VRK1: variants seen among roughly 807,000 people sequenced by gnomAD.
The protein encoded by VRK1 is VRK serine/threonine kinase 1.
VRK1 carries 33 observed loss-of-function variants against 57.1 expected under a neutral mutation model. That is an observed-to-expected ratio of 0.58 (90% CI 0.44 to 0.77). The LOEUF (loss-of-function observed/expected upper bound fraction) is 0.77. Among genes scored for constraint, VRK1 ranks in the 30% least tolerant of loss-of-function variants. The pLI is 0.00. For synonymous variants in VRK1, 137 were observed against 147.8 expected, an observed-to-expected ratio of 0.93 and a Z score of 0.53; for missense variants, 413 against 477.3, an observed-to-expected ratio of 0.87 and a Z score of 1.25.
intron 2 of VRK1, among the ~76,000 whole-genome samples, chr14:96,836,803 A>C (rs1217496845): frequency 6.6e-6 from 1 of 152,094 alleles, no homozygotes; most frequent in African/African-American, 2.4e-5. Context: ...TGCTGGGATT[A>C]CAAGTGTGAG....
chr14:96,799,198 A>G (rs1187604070), intron 1 of VRK1, among the ~76,000 whole-genome samples: 2 of 152,242 alleles, frequency 1.3e-5, no homozygotes, highest in East Asian at 3.8e-4. Flanking sequence ...AGTGCCCAGG[A>G]AATGGTTATA....
Position 96,833,632 on chromosome 14 carries a change from G to GT in VRK1, c.160+2dup. ...GGAGGCTTTGGCTGTATATATCTTG[G>GT]TAAGTGTGTGACTGCTTCTAATGAT... On this transcript the variant is annotated splice_donor_variant, in intron 2 of 12. Transcript: ENST00000216639. LOFTEE classifies it high-confidence loss of function. 6.2e-7 allele frequency: 1 copy of GT among 1,613,532 alleles called. No individual in the cohort carries two copies. Among genetic ancestry groups the GT allele is most frequent in the Non-Finnish European group, 8.5e-7 (1 of 1,179,568 alleles).
In VRK1 at chr14:96,853,126, A is replaced by G. The variant is rs1566708080; in HGVS notation, c.536A>G (p.Lys179Arg). The G allele has an allele frequency of 1.2e-6, 2 of 1,613,852 alleles. No homozygotes were observed. Among genetic ancestry groups the G allele is most frequent in the East Asian group, 2.2e-5 (1 of 44,862 alleles). Residue 179 changes from lysine (K) to arginine (R), a missense_variant, in exon 7 of 13, where the codon AAG (lysine) becomes AGG (arginine). By Grantham distance (26) the Lys-to-Arg change is conservative. Around this residue, in one of 3 missense-constraint regions of VRK1, gnomAD observed 151 missense variants for 225.5 expected, o/e 0.67. Transcript: ENST00000216639. Reference sequence around the variant, plus strand: ...CATGAGTATGTGCATGGAGATATCAAGGCCTCAAATCTTCTTCTGAACTAC... The same window carrying G: ...CATGAGTATGTGCATGGAGATATCAGGGCCTCAAATCTTCTTCTGAACTAC... ...HEHEYVHGDI[K>R]ASNLLLNYKN... is the part of the protein sequence containing the mutation.
At chr14:96,858,003 T>C (rs1165762148) in intron 10 of VRK1, among the ~76,000 whole-genome samples, 1 of 152,236 alleles carries the variant, frequency 6.6e-6, no homozygotes, top group Non-Finnish European at 1.5e-5. Flanking sequence ...GTTAGTGTCC[T>C]TTTCTTTCAC....
intron 1 of VRK1, among the ~76,000 whole-genome samples, chr14:96,811,256 C>T (rs1362727370): frequency 1.3e-5 from 2 of 152,058 alleles, no homozygotes; most frequent in African/African-American, 4.8e-5. Context: ...ATACTGTGTC[C>T]CTTGCCAGGA....
intron 1 of VRK1, among the ~76,000 whole-genome samples, chr14:96,816,361 C>A (rs946995687): frequency 6.6e-6 from 1 of 152,132 alleles, no homozygotes; most frequent in Non-Finnish European, 1.5e-5. Context: ...GCTGCTTTAC[C>A]CATTACAGTT....
At chr14:96,819,930 G>A (rs1400995482) in intron 1 of VRK1, among the ~76,000 whole-genome samples, 1 of 152,128 alleles carries the variant, frequency 6.6e-6, no homozygotes, top group African/African-American at 2.4e-5. Context: ...CTGGCTCCAG[G>A]TGTTGCAGTT....
In VRK1 at chr14:96,867,071, T is replaced by C. The variant is rs1390669904; in HGVS notation, c.1068+6336T>C. 7.2e-5 allele frequency among the ~76,000 whole-genome samples: 11 copies of C among 152,358 alleles called. No individual in the cohort carries two copies. The East Asian group carries it at 2.1e-3, about 29-fold the overall frequency. ...TCATACTGCAGTCATCTGGAATTTT[T>C]AGTTCTAGTTTTTTGTGTCATTTGT... On this transcript the variant is annotated intron_variant, in intron 11 of 12. Transcript: ENST00000216639.
chr14:96,828,993 G>T (rs978583345), intron 1 of VRK1, among the ~76,000 whole-genome samples: 4 of 152,246 alleles, frequency 2.6e-5, no homozygotes, highest in Non-Finnish European at 5.9e-5. Flanking sequence ...AAATATTTCT[G>T]TCATAGTGGC....
intron 2 of VRK1, among the ~76,000 whole-genome samples, chr14:96,836,467 C>G (rs1265172761): frequency 6.6e-6 from 1 of 150,704 alleles, no homozygotes; most frequent in Non-Finnish European, 1.5e-5. Flanking sequence ...CCCCCAGCTA[C>G]TTTTGCCTCC....
intron 3 of VRK1, among the ~76,000 whole-genome samples, chr14:96,843,332 G>A (rs1316526629): frequency 6.6e-6 from 1 of 152,190 alleles, no homozygotes; most frequent in African/African-American, 2.4e-5. Context: ...CTTTTGGATG[G>A]TATCCTAACA....
intron 11 of VRK1, among the ~76,000 whole-genome samples, chr14:96,868,460 C>A (rs1888669453): frequency 6.6e-6 from 1 of 152,182 alleles, no homozygotes; most frequent in African/African-American, 2.4e-5. Flanking sequence ...TGAATAGCTT[C>A]TGTGCAGAAA....
intron 1 of VRK1, among the ~76,000 whole-genome samples, chr14:96,831,425 A>G (rs1886999220): frequency 6.6e-6 from 1 of 152,184 alleles, no homozygotes; most frequent in African/African-American, 2.4e-5. Flanking sequence ...TTAGAAGCAT[A>G]TTGAAGATAC....
chr14:96,847,954 A>T (rs1043756835), intron 5 of VRK1, among the ~76,000 whole-genome samples: 1 of 152,218 alleles, frequency 6.6e-6, no homozygotes, highest in East Asian at 1.9e-4. Context: ...AACTTCTAAT[A>T]CTTTGGTTCA....
intron 12 of VRK1, 113 bp from the exon 13 acceptor site, chr14:96,881,064 G>T (rs1465050452): frequency 9.6e-6 from 9 of 935,774 alleles, no homozygotes; most frequent in Non-Finnish European, 9.7e-6. Flanking sequence ...AATCACGAGA[G>T]TCGATTTGAT....
At chr14:96,867,589 A>G (rs1888636389) in intron 11 of VRK1, among the ~76,000 whole-genome samples, 1 of 151,986 alleles carries the variant, frequency 6.6e-6, no homozygotes, top group Non-Finnish European at 1.5e-5. Context: ...CGCTTGAACA[A>G]TTTATTTTCT....
intron 2 of VRK1, among the ~76,000 whole-genome samples, 179 bp from the exon 3 acceptor site, chr14:96,837,583 A>G (rs978003149): frequency 6.6e-6 from 1 of 152,216 alleles, no homozygotes; most frequent in Non-Finnish European, 1.5e-5. Flanking sequence ...CTCAATTCAG[A>G]TATGTTAAAA....
intron 5 of VRK1, among the ~76,000 whole-genome samples, chr14:96,851,267 A>C (rs1356070809): frequency 6.6e-6 from 1 of 151,724 alleles, no homozygotes; most frequent in African/African-American, 2.4e-5. Context: ...TAGCCTCCCG[A>C]GTTGCTGGAA....
chr14:96,846,593 T>C (rs1353677242), intron 4 of VRK1, among the ~76,000 whole-genome samples: 1 of 151,914 alleles, frequency 6.6e-6, no homozygotes, highest in Non-Finnish European at 1.5e-5. Flanking sequence ...TAGGTCTTCC[T>C]GTAGAAGCAA....
Sources: allele counts gnomAD v4.1 joint callset (sites outside exome capture counted in the v4.1 genomes callset), GRCh38; gene constraint gnomAD v4.1.1; regional missense constraint gnomAD v4.1.1; transcripts MANE v1.5; gene names NCBI Gene and HGNC (gene_info 2026-07-23, HGNC 2026-07-21).